Variants in EPB41L3 observed in about 807,000 individuals in gnomAD.
EPB41L3 encodes the protein erythrocyte membrane protein band 4.1 like 3.
In EPB41L3, 57 loss-of-function variants were observed where a neutral mutation model predicts 127.1. The ratio of observed to expected loss-of-function variants is 0.45; its 90% CI spans 0.36 to 0.56. The LOEUF (loss-of-function observed/expected upper bound fraction) is 0.56. EPB41L3 is among the 20% of genes least tolerant of loss of function. EPB41L3 has a pLI of 0.00. For missense variants in EPB41L3, 1,273 were observed against 1,372.2 expected, an observed-to-expected ratio of 0.93 and a Z score of 1.14; for synonymous variants, 572 against 549.5, an observed-to-expected ratio of 1.04 and a Z score of -0.57.
intron 1 of EPB41L3, among the ~76,000 whole-genome samples, chr18:5,503,781 GAT>G (rs2091938436): frequency 6.6e-6 from 1 of 152,144 alleles, no homozygotes; most frequent in Non-Finnish European, 1.5e-5. Flanking sequence ...TTCATAGATG[GAT>G]ATGCCATTTT....
chr18:5,561,256 C>G (rs990071106), intron 3 of EPB41L3, among the ~76,000 whole-genome samples: 3 of 152,080 alleles, frequency 2.0e-5, no homozygotes, highest in African/African-American at 7.2e-5. Context: ...GGATTATAGG[C>G]GTGAGCCACC....
At position 5,415,968 on chromosome 18, in the gene EPB41L3, G is replaced by A. The variant is rs1207148217; in HGVS notation, c.1917C>T (p.Ile639=). The A allele has an allele frequency of 1.2e-6, 2 of 1,614,182 alleles. No homozygotes were observed. The highest frequency in any genetic ancestry group is 2.2e-5 in the South Asian group (2 of 91,080). Residue 639 remains isoleucine (I), a synonymous_variant, in exon 13 of 23, where the codon ATC becomes ATT. Coordinates refer to ENST00000341928, the MANE Select transcript of EPB41L3 (RefSeq NM_012307.5). ...AGGAGGCAGACAGCAGAAAGAAAAA[G>A]ATGAAGAGGAAACAGGGCACAAGGG... is the stretch of plus-strand genomic sequence containing the variant. ...SPSLVPCFLF[I]FFFLLSASFS...
intron 3 of EPB41L3, among the ~76,000 whole-genome samples, chr18:5,583,895 G>A (rs2094418711): frequency 6.6e-6 from 1 of 152,132 alleles, no homozygotes; most frequent in African/African-American, 2.4e-5. Flanking sequence ...CGCAACCTCT[G>A]CCTCCCGGGT....
At position 5,431,006 on chromosome 18, in the gene EPB41L3, C is replaced by T. The variant is rs566559102; in HGVS notation, c.912+2463G>A. ...GTCATCATGAAAATAAAGGGGCATACGATTTCTTTAATTCAACATCAGTGT... is the reference window on the plus strand; with the variant it reads ...GTCATCATGAAAATAAAGGGGCATATGATTTCTTTAATTCAACATCAGTGT... On this transcript the variant is annotated intron_variant, in intron 8 of 22. Coordinates refer to ENST00000341928, the MANE Select transcript of EPB41L3 (RefSeq NM_012307.5). Among the ~76,000 whole-genome samples, 26 of 152,206 alleles carry T rather than the reference C, an allele frequency of 1.7e-4. No homozygotes were observed. The South Asian group carries it at 2.5e-3, about 15-fold the overall frequency.
intron 15 of EPB41L3, 116 bp from the exon 16 acceptor site, chr18:5,407,084 A>C (rs2075520042): frequency 1.1e-6 from 1 of 940,454 alleles, no homozygotes; most frequent in Admixed American, 2.3e-5. Flanking sequence ...ATAAAACAAA[A>C]TTTTGATCAA....
chr18:5,395,945 CTT>C (rs1256331261), intron 19 of EPB41L3, among the ~76,000 whole-genome samples: 6 of 152,064 alleles, frequency 3.9e-5, no homozygotes, highest in Admixed American at 2.0e-4. Flanking sequence ...GAATATTTTT[CTT>C]TCTCTGTGGC....
At chr18:5,394,497 G>C in intron 22 of EPB41L3, 180 bp downstream of exon 22, 2 of 552,714 alleles carry the variant, frequency 3.6e-6, no homozygotes, top group Admixed American at 6.1e-5. Context: ...AACTCCACAA[G>C]AATGGAAGCT....
chr18:5,487,930 T>C (rs948285467), intron 2 of EPB41L3, among the ~76,000 whole-genome samples: 1 of 152,186 alleles, frequency 6.6e-6, no homozygotes, highest in African/African-American at 2.4e-5. Flanking sequence ...CATCTTAGAA[T>C]TTCTAGTTTG....
intron 3 of EPB41L3, among the ~76,000 whole-genome samples, chr18:5,584,564 G>A (rs74575044): frequency 2.1e-3 from 322 of 152,202 alleles, no homozygotes; most frequent in African/African-American, 7.3e-3. Context: ...TCTAAAGCTT[G>A]TTACCCATTG....
intron 3 of EPB41L3, among the ~76,000 whole-genome samples, chr18:5,597,971 CAT>C (rs946862348): frequency 2.6e-5 from 4 of 152,196 alleles, no homozygotes; most frequent in African/African-American, 9.7e-5. Context: ...CCAGATCCTG[CAT>C]GCACAATGTT....
Position 5,514,283 on chromosome 18 carries a change from T to C in EPB41L3, c.-11-25089A>G, listed in dbSNP as rs78652044. On this transcript the variant is annotated intron_variant, in intron 1 of 22. Transcript: ENST00000341928. Reference sequence around the variant, plus strand: ...ATCTTCCCTTCACAGGATAAAGCAATGCAAAACGTTAAGTTCATATATGTT... The same window carrying C: ...ATCTTCCCTTCACAGGATAAAGCAACGCAAAACGTTAAGTTCATATATGTT... Among the ~76,000 whole-genome samples the C allele has an allele frequency of 7.3e-3, 1,114 of 152,314 alleles. 8 individuals carry two copies. The highest frequency in any genetic ancestry group is 0.022 in the South Asian group (104 of 4,828).
At chr18:5,552,188 G>A (rs2093976201) in intron 3 of EPB41L3, among the ~76,000 whole-genome samples, 2 of 152,350 alleles carry the variant, frequency 1.3e-5, no homozygotes, top group Non-Finnish European at 1.5e-5. Flanking sequence ...TTGCTTGGCA[G>A]TGCCTGCCAT....
At chr18:5,615,984 G>C (rs2094790038) in intron 1 of EPB41L3, among the ~76,000 whole-genome samples, 1 of 152,018 alleles carries the variant, frequency 6.6e-6, no homozygotes, top group Admixed American at 6.6e-5. Flanking sequence ...TCTTCCAGAA[G>C]GAAGGTCTTC....
chr18:5,439,943 C>T (rs1285849316), intron 5 of EPB41L3, among the ~76,000 whole-genome samples: 1 of 152,054 alleles, frequency 6.6e-6, no homozygotes, highest in African/African-American at 2.4e-5. Context: ...AATAGTTTAG[C>T]AATGTAATTA....
At chr18:5,536,976 T>C (rs1450151418) in intron 1 of EPB41L3, among the ~76,000 whole-genome samples, 1 of 152,230 alleles carries the variant, frequency 6.6e-6, no homozygotes, top group African/African-American at 2.4e-5. Flanking sequence ...ATGAAGCACT[T>C]GTGATATACC....
At position 5,398,554 on chromosome 18, in the gene EPB41L3, G is replaced by A. The variant is rs899818781; in HGVS notation, c.2350-411C>T. On this transcript the variant is annotated intron_variant, in intron 16 of 22. Transcript: ENST00000341928. Reference sequence around the variant, plus strand: ...GCTGCTCTCAACATAAAGCCAAGCAGCAAGAGAAACGGAAAGGTTTGGGGT... The same window carrying A: ...GCTGCTCTCAACATAAAGCCAAGCAACAAGAGAAACGGAAAGGTTTGGGGT... 6 of 403,064 alleles carry A rather than the reference G, an allele frequency of 1.5e-5. No individual in the cohort carries two copies. In the East Asian group the frequency reaches 1.8e-4, roughly 12 times the overall value. 25.0% of individuals were successfully genotyped at this position (403,064 alleles called of 1,614,324 possible). A position where few individuals can be genotyped will look rare whatever the true frequency, so the allele number is the denominator to read the frequency against.
At chr18:5,570,003 T>C (rs1240005450) in intron 3 of EPB41L3, among the ~76,000 whole-genome samples, 7 of 152,204 alleles carry the variant, frequency 4.6e-5, no homozygotes, top group East Asian at 3.9e-4. Flanking sequence ...GGGATGGTTA[T>C]TGTAATTCTT....
At chr18:5,548,956 G>A (rs1048048458), upstream of EPB41L3, among the ~76,000 whole-genome samples, 3 of 152,102 alleles carry the variant, frequency 2.0e-5, no homozygotes, top group African/African-American at 7.2e-5. Flanking sequence ...ATAAATGCCA[G>A]CAAGCCTGTC....
At chr18:5,575,496 C>G (rs780743464) in intron 3 of EPB41L3, among the ~76,000 whole-genome samples, 1 of 152,090 alleles carries the variant, frequency 6.6e-6, no homozygotes. Flanking sequence ...GCACCCTCTT[C>G]GACTTCCTCC....
Sources: allele counts gnomAD v4.1 joint callset (sites outside exome capture counted in the v4.1 genomes callset), GRCh38; gene constraint gnomAD v4.1.1; transcripts MANE v1.5; gene names NCBI Gene and HGNC (gene_info 2026-07-23, HGNC 2026-07-21).